The following SYCP2 variants were observed in gnomAD, a reference collection of about 807,000 sequenced individuals.
SYCP2 encodes synaptonemal complex protein 2.
Under a neutral mutation model 211.3 loss-of-function variants are expected in SYCP2, and 55 were observed. That is an observed-to-expected ratio of 0.26 (90% CI 0.21 to 0.33). The LOEUF (loss-of-function observed/expected upper bound fraction) is 0.33. Ranked by LOEUF, SYCP2 falls within the 10% of genes least tolerant of loss-of-function variation. The pLI, the probability that SYCP2 is intolerant of heterozygous loss-of-function variation, is 1.00. For missense variants in SYCP2, 1,731 were observed against 1,752.0 expected, an observed-to-expected ratio of 0.99 and a Z score of 0.21; for synonymous variants, 570 against 555.2, an observed-to-expected ratio of 1.03 and a Z score of -0.37.
At chr20:59,900,887 T>G in intron 16 of SYCP2, 69 bp from the exon 17 acceptor site, 1 of 1,125,510 alleles carries the variant, frequency 8.9e-7, no homozygotes, top group Non-Finnish European at 1.3e-6. Context: ...TATGTCATTT[T>G]ATTTCCATTT....
In SYCP2 at chr20:59,919,158, C is replaced by A; in HGVS notation, c.427G>T (p.Gly143Cys). The change falls in exon 7 of 45, where the codon GGT (glycine) becomes TGT (cysteine). Residue 143 changes from glycine to cysteine, a missense_variant and splice_region_variant. Physicochemically the swap from Gly to Cys is radical, Grantham distance 159 (BLOSUM62 -3). This residue lies in a region of SYCP2 where 335 missense variants were observed against 378.8 expected (regional missense o/e 0.88). Coordinates refer to ENST00000357552, the MANE Select transcript of SYCP2 (RefSeq NM_014258.4). ...AATAGAAAATAAGTGTTTATTATAC[C>A]TTCATCACTGACATCATGTATGACC... The part of the protein sequence containing the change: ...LLVIHDVSDE[G>C]KKQVVESFVP... 7.9e-7 allele frequency: 1 copy of A among 1,261,984 alleles called. No homozygotes were observed. The highest frequency in any genetic ancestry group is 1.5e-5 in the African/African-American group (1 of 65,986). The allele number at this position is 1,261,984 out of a possible 1,614,324, so 78.2% of individuals were successfully genotyped here.
intron 10 of SYCP2, 96 bp from the exon 11 acceptor site, chr20:59,914,347 A>T (rs1303646188): frequency 1.2e-5 from 7 of 602,322 alleles, no homozygotes; most frequent in Non-Finnish European, 1.9e-5. Context: ...AGCAAGAGAA[A>T]TAAGAATATA....
At chr20:59,911,896 C>A in intron 13 of SYCP2, 51 bp from the exon 14 acceptor site, 3 of 933,614 alleles carry the variant, frequency 3.2e-6, no homozygotes, top group African/African-American at 1.7e-5. Flanking sequence ...TTAGAAATAA[C>A]AGACAATTAT....
rs1272299768 is a variant in SYCP2, at chr20:59,873,896, G to A, written c.3515C>T (p.Ala1172Val). The A allele has an allele frequency of 6.2e-7, 1 of 1,613,040 alleles. No homozygotes were observed. Among genetic ancestry groups the A allele is most frequent in the Non-Finnish European group, 8.5e-7 (1 of 1,179,512 alleles). Residue 1172 changes from alanine (A) to valine (V), a missense_variant, in exon 35 of 45, where the codon GCA becomes GTA. Coordinates refer to ENST00000357552, the MANE Select transcript of SYCP2 (RefSeq NM_014258.4). ...PKNNEKNFLC[A>V]SESCSPIPRP... ...TGGAATTGGTGAACAACTTTCACTT[G>A]CACACAGGAAGTTTTTCTCATTGTT...
At chr20:59,919,356 C>T in intron 6 of SYCP2, 137 bp downstream of exon 6, 1 of 711,706 alleles carries the variant, frequency 1.4e-6, no homozygotes, top group South Asian at 1.8e-5. Context: ...ATGCTTTATA[C>T]AATCTGAACA....
At chr20:59,867,894 AAATTTAGCCTTGTAATT>A in intron 38 of SYCP2, 47 bp from the exon 39 acceptor site, 3 of 1,432,496 alleles carry the variant, frequency 2.1e-6, no homozygotes, top group Non-Finnish European at 2.9e-6. Flanking sequence ...GCATTACTCT[AAATTTAGCCTTGTAATT>A]AGGCTAAGAA....
intron 18 of SYCP2, among the ~76,000 whole-genome samples, chr20:59,897,860 G>C (rs551633679): frequency 1.3e-5 from 2 of 152,228 alleles, no homozygotes; most frequent in African/African-American, 2.4e-5. Flanking sequence ...GAGAAGGGCA[G>C]ATCACCTGAG....
At chr20:59,871,761 C>G (rs1445340026) in intron 35 of SYCP2, among the ~76,000 whole-genome samples, 1 of 151,784 alleles carries the variant, frequency 6.6e-6, no homozygotes, top group Non-Finnish European at 1.5e-5. Flanking sequence ...ACTTATGATA[C>G]CTAATACAAT....
At chr20:59,894,459 C>T (rs534422051) in intron 20 of SYCP2, among the ~76,000 whole-genome samples, 144 of 152,106 alleles carry the variant, frequency 9.5e-4, no homozygotes, top group African/African-American at 3.2e-3. Context: ...ATCTTCAACT[C>T]TCATACCCTT....
intron 15 of SYCP2, 35 bp downstream of exon 15, chr20:59,907,329 T>C (rs1396418020): frequency 7.3e-7 from 1 of 1,371,562 alleles, no homozygotes; most frequent in Non-Finnish European, 1.0e-6. Flanking sequence ...ATGGTAAGAA[T>C]TAAGAAAATT....
intron 14 of SYCP2, 83 bp from the exon 15 acceptor site, chr20:59,907,507 G>C: frequency 8.7e-7 from 1 of 1,143,792 alleles, no homozygotes; most frequent in East Asian, 2.5e-5. Flanking sequence ...CAAGTTACAG[G>C]AACTATGAAT....
chr20:59,888,487 T>C (rs1014876434), intron 24 of SYCP2, among the ~76,000 whole-genome samples: 8 of 151,996 alleles, frequency 5.3e-5, no homozygotes, highest in African/African-American at 1.7e-4. Flanking sequence ...TAGGAATAAA[T>C]GGAAACTTTC....
intron 31 of SYCP2, among the ~76,000 whole-genome samples, chr20:59,879,821 A>G: frequency 8.1e-5 from 1 of 12,386 alleles, no homozygotes; most frequent in Non-Finnish European, 1.3e-4. Context: ...AAATATAAAT[A>G]AATATATATA....
intron 22 of SYCP2, 35 bp downstream of exon 22, chr20:59,893,107 T>C (rs974514667): frequency 2.8e-6 from 4 of 1,440,638 alleles, no homozygotes; most frequent in Admixed American, 1.8e-5. Flanking sequence ...AGCATTAGTA[T>C]AGACTAAATG....
intron 31 of SYCP2, among the ~76,000 whole-genome samples, chr20:59,878,872 G>A (rs1335587511): frequency 1.3e-5 from 2 of 152,082 alleles, no homozygotes; most frequent in Admixed American, 6.6e-5. Context: ...TAAGAAATAA[G>A]ATTATCCAAG....
At position 59,885,206 on chromosome 20, in the gene SYCP2, T is replaced by A. The variant is rs1056117424; in HGVS notation, c.2529+722A>T. ...AAAAGTGAGCCAGTCTATGTTTCCA[T>A]TTAATTCAATAAGCAACAGGGACCA... On this transcript the variant is annotated intron_variant, in intron 26 of 44. Coordinates refer to ENST00000357552, the MANE Select transcript of SYCP2 (RefSeq NM_014258.4). 3 of 152,236 alleles carry A rather than the reference T, an allele frequency of 2.0e-5. No individual in the cohort carries two copies. In the South Asian group the frequency reaches 6.2e-4, roughly 32 times the overall value. The allele number at this position is 152,236 out of a possible 1,614,324, so 9.4% of individuals were successfully genotyped here.
chr20:59,904,427 A>C (rs568944622), intron 15 of SYCP2, among the ~76,000 whole-genome samples: 6 of 152,290 alleles, frequency 3.9e-5, no homozygotes, highest in African/African-American at 1.4e-4. Flanking sequence ...TGGGATGGCC[A>C]CACCTGAGTA....
chr20:59,876,706 T>C (rs1191645014), intron 33 of SYCP2, among the ~76,000 whole-genome samples: 1 of 152,032 alleles, frequency 6.6e-6, no homozygotes, highest in Non-Finnish European at 1.5e-5. Context: ...TTTTTAGACA[T>C]TAAATCTGTA....
At position 59,868,621 on chromosome 20, in the gene SYCP2, C is replaced by T. The variant is rs1044992618; in HGVS notation, c.3833-53G>A. ...GCGCTGCAATTTTCATTAAAAATAC[C>T]TCATATTTTCTTGCTTTTATTTTAA... On this transcript the variant is annotated intron_variant, in intron 37 of 44. Coordinates refer to ENST00000357552, the MANE Select transcript of SYCP2 (RefSeq NM_014258.4). The T allele has an allele frequency of 8.0e-6, 12 of 1,506,272 alleles. No individual in the cohort carries two copies. In the African/African-American group the frequency reaches 9.9e-5, roughly 12 times the overall value. 93.3% of individuals were successfully genotyped at this position (1,506,272 alleles called of 1,614,324 possible). A position where few individuals can be genotyped will look rare whatever the true frequency, so the allele number is the denominator to read the frequency against.
Sources: allele counts gnomAD v4.1 joint callset (sites outside exome capture counted in the v4.1 genomes callset), GRCh38; gene constraint gnomAD v4.1.1; regional missense constraint gnomAD v4.1.1; transcripts MANE v1.5; gene names NCBI Gene and HGNC (gene_info 2026-07-23, HGNC 2026-07-21).